Variants in PER3 observed in about 807,000 individuals in gnomAD.
PER3 encodes the protein period circadian regulator 3, also known as period circadian protein homolog 3.
In PER3, 107 loss-of-function variants were observed where a neutral mutation model predicts 127.2. The ratio of observed to expected loss-of-function variants is 0.84; its 90% confidence interval spans 0.72 to 0.99. The LOEUF is 0.99. PER3 is among the 50% of genes least tolerant of loss of function. The pLI, the probability that PER3 is intolerant of heterozygous loss-of-function variation, is 0.00. For missense variants in PER3, 1,560 were observed against 1,525.8 expected (o/e 1.02, Z -0.37); for synonymous variants, 618 against 585.8 (o/e 1.05, Z -0.79).
intron 5 of PER3, chr1:7,788,607 A>G (rs2097103324): frequency 4.8e-6 from 1 of 206,672 alleles, no homozygotes; most frequent in African/African-American, 2.3e-5. Flanking sequence ...TTTGGAGATA[A>G]AATTTGGATC....
intron 13 of PER3, among the ~76,000 whole-genome samples, chr1:7,816,236 A>G (rs2097250822): frequency 6.6e-6 from 1 of 152,130 alleles, no homozygotes; most frequent in Non-Finnish European, 1.5e-5. Flanking sequence ...TATCAATGGA[A>G]TTGAAGAGAA....
Position 7,785,422 on chromosome 1 carries a change from A to T in PER3, c.129-19A>T. 6.3e-7 allele frequency: 1 copy of T among 1,581,004 alleles called. No individual in the cohort carries two copies. Among genetic ancestry groups the T allele is most frequent in the Non-Finnish European group, 8.7e-7 (1 of 1,153,924 alleles). ...GTTGTCTTCAGAGGATGAAGTTGTA[A>T]TTTTTTTTTATCTTCCAGTGAACAG... On this transcript the variant is annotated intron_variant, in intron 2 of 21. Transcript: ENST00000377532.
chr1:7,808,358 G>C (rs1558422090), intron 10 of PER3, among the ~76,000 whole-genome samples: 1 of 151,512 alleles, frequency 6.6e-6, no homozygotes, highest in African/African-American at 2.4e-5. Flanking sequence ...GCCATTCACT[G>C]TATTCAGGTC....
rs2097324424 is a variant in PER3 at position 7,830,176 on chromosome 1, C to T, written c.3214+15C>T. 6.2e-7 allele frequency: 1 copy of T among 1,603,344 alleles called. No homozygotes were observed. The highest frequency in any genetic ancestry group is 1.3e-5 in the African/African-American group (1 of 74,896). On this transcript the variant is annotated intron_variant, in intron 19 of 21. Coordinates refer to ENST00000377532, the MANE Select transcript of PER3 (RefSeq NM_001377275.1). ...AGCAGCATCAGGTAGTGGATCAGGA[C>T]AACTAATGTTTCAAACTCCAATGCC...
intron 6 of PER3, 114 bp downstream of exon 6, chr1:7,794,122 A>G: frequency 4.6e-6 from 4 of 870,130 alleles, no homozygotes; most frequent in Non-Finnish European, 5.9e-6. Flanking sequence ...TACAAAAAAT[A>G]AGACTTGGTT....
At chr1:7,793,724 G>A (rs925289002) in intron 5 of PER3, among the ~76,000 whole-genome samples, 2 of 152,146 alleles carry the variant, frequency 1.3e-5, no homozygotes, top group East Asian at 1.9e-4. Flanking sequence ...AGATAAAGCC[G>A]ATTCTCACTG....
In PER3 at chr1:7,829,487, G is replaced by T. The variant is rs188270492; in HGVS notation, c.2887-347G>T. ...CTGGCATCACTCCTCTTGCACTTTG[G>T]GGCCATTATTAAGTAAAATAAATGT... On this transcript the variant is annotated intron_variant, in intron 18 of 21. Transcript: ENST00000377532. Among the ~76,000 whole-genome samples the T allele has an allele frequency of 3.3e-3, 498 of 152,036 alleles. 5 individuals carry two copies. Among genetic ancestry groups the T allele is most frequent in the Middle Eastern group, 0.01 (3 of 294 alleles).
At chr1:7,805,446 T>A (rs2097188721) in intron 10 of PER3, among the ~76,000 whole-genome samples, 1 of 152,176 alleles carries the variant, frequency 6.6e-6, no homozygotes, top group Non-Finnish European at 1.5e-5. Flanking sequence ...TGCTCTTACC[T>A]CTTTCTACTC....
In PER3 at chr1:7,798,600, C is replaced by T; in HGVS notation, c.720C>T (p.His240=). The T allele has an allele frequency of 1.2e-6, 2 of 1,613,164 alleles. No individual in the cohort carries two copies. Among genetic ancestry groups the T allele is most frequent in the South Asian group, 2.2e-5 (2 of 91,046 alleles). The part of the protein sequence containing the change: ...RIIPYLIHVH[H]PAQPELESEP... ...TCCCCTATCTGATTCATGTACATCA[C>T]CCTGCCCAGCCAGAATTGGAATCGG... Residue 240 remains histidine, a synonymous_variant, in exon 7 of 22, where the codon CAC becomes CAT. Transcript: ENST00000377532.
Position 7,820,477 on chromosome 1 carries a change from A to C in PER3, c.1794A>C (p.Gln598His). 1 of 1,609,002 alleles carries C rather than the reference A, an allele frequency of 6.2e-7. No homozygotes were observed. The highest frequency in any genetic ancestry group is 8.5e-7 in the Non-Finnish European group (1 of 1,178,152). Reference sequence around the variant, plus strand: ...CTCTTACACCACCAGCTGGTTTGCAAATCCCAGCCATACCTAAATCAGAAA... The same window carrying C: ...CTCTTACACCACCAGCTGGTTTGCACATCCCAGCCATACCTAAATCAGAAA... Reference protein sequence around the residue: ...DDVQALQAGLQIPAIPKSEMP... With the variant: ...DDVQALQAGLHIPAIPKSEMP... Residue 598 changes from glutamine to histidine, a missense_variant, in exon 16 of 22, where the codon CAA becomes CAC. Gln to His is a conservative substitution (Grantham distance 24, BLOSUM62 0). Coordinates refer to ENST00000377532, the MANE Select transcript of PER3 (RefSeq NM_001377275.1).
intron 6 of PER3, among the ~76,000 whole-genome samples, chr1:7,797,662 G>C (rs933202159): frequency 4.6e-5 from 7 of 151,434 alleles, no homozygotes; most frequent in East Asian, 1.9e-4. Context: ...AGAAAAAAAA[G>C]TGAGGTGGAA....
In PER3 at chr1:7,843,951, C is replaced by T. The variant is rs866318588; in HGVS notation, c.*1196C>T. On this transcript the variant is annotated 3_prime_UTR_variant, in exon 22 of 22. Coordinates refer to ENST00000377532, the MANE Select transcript of PER3 (RefSeq NM_001377275.1). ...GGAATGATAGATGAAATTCACACCCCTGCAGATCAGAAAAAACAAATAGAA... is the reference window on the plus strand; with the variant it reads ...GGAATGATAGATGAAATTCACACCCTTGCAGATCAGAAAAAACAAATAGAA... The T allele has an allele frequency of 5.5e-6, 7 of 1,279,120 alleles. No homozygotes were observed. The African/African-American group carries it at 1.1e-4, about 20-fold the overall frequency. The allele number at this position is 1,279,120 out of a possible 1,614,324, so 79.2% of individuals were successfully genotyped here.
rs111594486 is a variant in PER3 at position 7,820,472 on chromosome 1, T to G, written c.1789T>G (p.Leu597Val). 1 of 1,608,774 alleles carries G rather than the reference T, an allele frequency of 6.2e-7. No homozygotes were observed. The highest frequency in any genetic ancestry group is 1.3e-5 in the African/African-American group (1 of 74,824). Residue 597 changes from leucine to valine, a missense_variant, in exon 16 of 22, where the codon TTG becomes GTG. Leu to Val is a conservative substitution (Grantham distance 32). Around this residue, in one of 3 missense-constraint regions of PER3, gnomAD observed 1,332 missense variants for 1,223.6 expected, o/e 1.09. Coordinates refer to ENST00000377532, the MANE Select transcript of PER3 (RefSeq NM_001377275.1). Reference sequence around the variant, plus strand: ...AGTTTCTCTTACACCACCAGCTGGTTTGCAAATCCCAGCCATACCTAAATC... The same window carrying G: ...AGTTTCTCTTACACCACCAGCTGGTGTGCAAATCCCAGCCATACCTAAATC... ...ADDVQALQAG[L>V]QIPAIPKSEM...
chr1:7,827,828 C>T lies in PER3; in HGVS notation c.2886+13C>T. ...ACAAACTGAGTATGTAAGTGATGCT[C>T]ATTTTCAACACTCAAGTGAGAAAGT... On this transcript the variant is annotated intron_variant, in intron 18 of 21. Transcript: ENST00000377532. 1 of 1,569,060 alleles carries T rather than the reference C, an allele frequency of 6.4e-7. No individual in the cohort carries two copies. The highest frequency in any genetic ancestry group is 1.1e-5 in the South Asian group (1 of 88,604).
At chr1:7,815,061 G>A (rs2097240937) in intron 13 of PER3, among the ~76,000 whole-genome samples, 1 of 152,188 alleles carries the variant, frequency 6.6e-6, no homozygotes, top group Non-Finnish European at 1.5e-5. Context: ...ACTGAGGTGA[G>A]AGGATCACTT....
At chr1:7,837,807 C>T (rs931643434) in intron 21 of PER3, among the ~76,000 whole-genome samples, 5 of 152,172 alleles carry the variant, frequency 3.3e-5, no homozygotes, top group African/African-American at 7.2e-5. Flanking sequence ...AGTCCAGTGG[C>T]TCACGTCTGT....
rs2097271471 is a variant in PER3 at position 7,820,515 on chromosome 1, G to A, written c.1832G>A (p.Gly611Glu). Residue 611 changes from glycine (G) to glutamate (E), a missense_variant, in exon 16 of 22, where the codon GGA becomes GAA. Transcript: ENST00000377532. ...CCTAAATCAGAAATGCCAACAAATGGACGGTCCATAGACACAGGAGGAGGA... is the reference window on the plus strand; with the variant it reads ...CCTAAATCAGAAATGCCAACAAATGAACGGTCCATAGACACAGGAGGAGGA... ...AIPKSEMPTN[G>E]RSIDTGGGAP... The A allele has an allele frequency of 6.2e-7, 1 of 1,613,806 alleles. No homozygotes were observed. Among genetic ancestry groups the A allele is most frequent in the African/African-American group, 1.3e-5 (1 of 74,870 alleles).
rs1334080464 is a variant in PER3, at chr1:7,784,330, CCCCGGGGGCGAG to C, written c.-269_-258del. On this transcript the variant is annotated 5_prime_UTR_variant, in exon 1 of 22. Transcript: ENST00000377532. Reference sequence around the variant, plus strand: ...GAGCCTCGAGACTGCGCGAGGGCGGCCCCGGGGGCGAGCGGCTGTGCGCGGGGCCAAGGGCGG... The same window carrying C: ...GAGCCTCGAGACTGCGCGAGGGCGGCCGGCTGTGCGCGGGGCCAAGGGCGG... 1 of 150,608 alleles carries C rather than the reference CCCCGGGGGCGAG, an allele frequency of 6.6e-6. No individual in the cohort carries two copies. Among genetic ancestry groups the C allele is most frequent in the Non-Finnish European group, 1.5e-5 (1 of 67,496 alleles). The allele number at this position is 150,608 out of a possible 1,614,324, so 9.3% of individuals were successfully genotyped here.
chr1:7,838,153 A>G (rs1322322901), intron 21 of PER3, among the ~76,000 whole-genome samples: 1 of 152,200 alleles, frequency 6.6e-6, no homozygotes, highest in Non-Finnish European at 1.5e-5. Context: ...AAGCAAGACA[A>G]TGAAATCCTA....
Sources: gnomAD v4.1 joint callset for allele counts (sites outside exome capture counted in the v4.1 genomes callset) on GRCh38, gnomAD v4.1.1 for gene constraint, gnomAD v4.1.1 regional missense constraint, MANE v1.5 for transcripts, NCBI Gene and HGNC (gene_info 2026-07-23, HGNC 2026-07-21) for gene names.